Variants in TRPM5 observed in about 807,000 individuals in gnomAD.
The protein encoded by TRPM5 is transient receptor potential cation channel subfamily M member 5, also known as MLSN1 and TRP-related.
Under a neutral mutation model 124.9 loss-of-function variants are expected in TRPM5, and 121 were observed. The observed-to-expected ratio is 0.97, with a 90% CI of 0.84 to 1.13. TRPM5 has a LOEUF of 1.13. Ranked by LOEUF, TRPM5 falls within the 50% of genes most tolerant of loss-of-function variation. TRPM5 has a pLI of 0.00. For missense variants in TRPM5, 1,643 were observed against 1,589.1 expected, an observed-to-expected ratio of 1.03 and a Z score of -0.58; for synonymous variants, 781 against 700.5, an observed-to-expected ratio of 1.11 and a Z score of -1.81.
intron 12 of TRPM5, 52 bp downstream of exon 17, chr11:2,414,009 G>GCT: frequency 9.8e-7 from 1 of 1,023,734 alleles, no homozygotes; most frequent in Non-Finnish European, 1.4e-6. Flanking sequence ...GGCCCAGCTC[G>GCT]CCCGCCCACC....
At chr11:2,417,860 C>A (rs763321602) in intron 6 of TRPM5, 31 bp from the exon 12 acceptor site, 7 of 1,548,154 alleles carry the variant, frequency 4.5e-6, no homozygotes, top group Non-Finnish European at 4.4e-6. Flanking sequence ...CCCATGGGGC[C>A]GCCTCAGCCA....
chr11:2,412,034 TG>T, intron 16 of TRPM5, 100 bp downstream of exon 21: 1 of 1,098,184 alleles, frequency 9.1e-7, no homozygotes, highest in Non-Finnish European at 1.4e-6. Context: ...CCTGAGTAGC[TG>T]GGACCACAAG....
At chr11:2,425,055 G>A (rs1050001269), upstream of TRPM5, among the ~76,000 whole-genome samples, 15 of 152,314 alleles carry the variant, frequency 9.8e-5, no homozygotes, top group African/African-American at 3.1e-4. Context: ...ATTTGAATAC[G>A]GCCTCCCGCG....
At chr11:2,426,037 A>G (rs1845837697), upstream of TRPM5, among the ~76,000 whole-genome samples, 1 of 152,104 alleles carries the variant, frequency 6.6e-6, no homozygotes. Flanking sequence ...GACATCCGGG[A>G]GTACCCTTCA....
chr11:2,421,726 C>T (rs971334773), intron 2 of TRPM5, among the ~76,000 whole-genome samples: 13 of 152,232 alleles, frequency 8.5e-5, no homozygotes, highest in Middle Eastern at 3.2e-3. Flanking sequence ...GGCGGCCCGA[C>T]TGCTTCCCCA....
intron 18 of TRPM5, among the ~76,000 whole-genome samples, chr11:2,409,240 G>A (rs115184403): frequency 1.7e-4 from 26 of 152,172 alleles, no homozygotes; most frequent in African/African-American, 6.0e-4. Context: ...GTCCGCCCTG[G>A]CCACCTCCAG....
exon 10 of TRPM5, chr11:2,415,042 C>G: frequency 6.2e-7 from 1 of 1,601,316 alleles, no homozygotes; most frequent in South Asian, 1.1e-5. Flanking sequence ...TGGCCGGGCC[C>G]TTCTCCTGGA....
upstream of TRPM5, among the ~76,000 whole-genome samples, chr11:2,423,698 T>C (rs767187093): frequency 2.0e-5 from 3 of 152,070 alleles, no homozygotes; most frequent in African/African-American, 4.8e-5. Flanking sequence ...CAAGCGGGGG[T>C]AGAAGAGGCC....
At chr11:2,434,396 A>AGTGT in the TRPM5 span, among the ~76,000 whole-genome samples, 3 of 124,064 alleles carry the variant, frequency 2.4e-5, no homozygotes, top group Non-Finnish European at 3.4e-5. Context: ...TGTTTGTGAG[A>AGTGT]GTGTGTGTGT....
the TRPM5 span, among the ~76,000 whole-genome samples, chr11:2,438,216 C>T: frequency 6.6e-6 from 1 of 152,080 alleles, no homozygotes; most frequent in Non-Finnish European, 1.5e-5. This position sits in a 1 kb window ranked among gnomAD's most constrained non-coding sequence, Gnocchi z 5.9. Flanking sequence ...ATGACAAACC[C>T]ACAGTCAACA....
At chr11:2,418,693 C>G in intron 4 of TRPM5, 102 bp from the exon 10 acceptor site, 1 of 1,221,626 alleles carries the variant, frequency 8.2e-7, no homozygotes, top group Non-Finnish European at 1.2e-6. Context: ...AAAGCTGGCT[C>G]TTCCGAATAA....
chr11:2,414,982 C>T, exon 10 of TRPM5: 1 of 1,607,110 alleles, frequency 6.2e-7, no homozygotes, highest in South Asian at 1.1e-5. Context: ...GCCAGGGGTT[C>T]TCGCTCTTCT....
intron 20 of TRPM5, 39 bp from the exon 26 acceptor site, chr11:2,406,832 G>C (rs755173191): frequency 6.3e-7 from 1 of 1,588,776 alleles, no homozygotes; most frequent in Admixed American, 1.8e-5. Flanking sequence ...ACTAGAGCAT[G>C]TGGGCGTCAG....
chr11:2,405,649 A>G (rs1361147302), intron 22 of TRPM5, 56 bp from the exon 28 acceptor site: 1 of 1,530,806 alleles, frequency 6.5e-7, no homozygotes, highest in African/African-American at 1.4e-5. Flanking sequence ...ACAGCAGGGG[A>G]CAGGCAGCCT....
downstream of TRPM5, among the ~76,000 whole-genome samples, chr11:2,404,057 C>T (rs949067171): frequency 2.0e-5 from 3 of 152,204 alleles, no homozygotes; most frequent in African/African-American, 2.4e-5. Flanking sequence ...GCTTGTGGCT[C>T]AGTGGCAGGT....
chr11:2,411,295 T>C, intron 18 of TRPM5, 57 bp downstream of exon 23: 9 of 1,480,380 alleles, frequency 6.1e-6, no homozygotes, highest in Non-Finnish European at 8.1e-6. Flanking sequence ...GCCCAGGGCT[T>C]GTGCACACAG....
chr11:2,405,621 C>T (rs747747060), intron 22 of TRPM5, 28 bp from the exon 28 acceptor site: 2 of 1,551,692 alleles, frequency 1.3e-6, no homozygotes, highest in African/African-American at 1.4e-5. Flanking sequence ...GTCCGGGAAG[C>T]TCCAGGGCTC....
intron 1 of TRPM5, among the ~76,000 whole-genome samples, 180 bp downstream of exon 6, chr11:2,422,740 G>A (rs1423995971): frequency 1.3e-5 from 2 of 152,004 alleles, no homozygotes; most frequent in East Asian, 3.9e-4. Context: ...TAGGAGGCCG[G>A]CCAGAGCCAC....
exon 24 of TRPM5, chr11:2,404,624 C>T (rs1850275433): frequency 8.5e-6 from 3 of 351,436 alleles, no homozygotes; most frequent in South Asian, 5.1e-5. Context: ...CGTCACGCCA[C>T]AGGGCCAGCT....
Sources: gnomAD v4.1 joint callset for allele counts (sites outside exome capture counted in the v4.1 genomes callset) on GRCh38, gnomAD v4.1.1 for gene constraint, Gnocchi (gnomAD v3.1) non-coding constraint, MANE v1.5 for transcripts, NCBI Gene and HGNC (gene_info 2026-07-23, HGNC 2026-07-21) for gene names.